Variants in NRXN1 observed in about 807,000 individuals in gnomAD.
NRXN1 encodes neurexin-1.
NRXN1 carries 39 observed loss-of-function variants against 150.9 expected under a neutral mutation model. The observed-to-expected ratio is 0.26, with a 90% confidence interval of 0.20 to 0.34. The LOEUF is 0.34. NRXN1 is among the 10% of genes least tolerant of loss of function. NRXN1 has a pLI of 1.00. For synonymous variants in NRXN1, 924 were observed against 757.0 expected (o/e 1.22, Z -3.62); for missense variants, 1,815 against 1,949.9 (o/e 0.93, Z 1.30).
intron 2 of NRXN1, among the ~76,000 whole-genome samples, chr2:50,958,634 T>G (rs1042255656): frequency 6.6e-6 from 1 of 152,140 alleles, no homozygotes; most frequent in Non-Finnish European, 1.5e-5. Context: ...TAATGCCATT[T>G]GTAAGTAGAG....
At chr2:50,389,219 C>T (rs2081525717) in intron 17 of NRXN1, among the ~76,000 whole-genome samples, 1 of 150,478 alleles carries the variant, frequency 6.6e-6, no homozygotes, top group Non-Finnish European at 1.5e-5. Context: ...GCAAGCACAA[C>T]ATCAGACCAA....
chr2:51,030,469 A>T (rs1671322691), intron 1 of NRXN1, among the ~76,000 whole-genome samples: 1 of 151,810 alleles, frequency 6.6e-6, no homozygotes, highest in African/African-American at 2.4e-5. Context: ...GCTGAGAGCC[A>T]CCAAGCTAGG....
At chr2:50,349,873 G>C (rs1043892362) in intron 17 of NRXN1, among the ~76,000 whole-genome samples, 1 of 152,094 alleles carries the variant, frequency 6.6e-6, no homozygotes, top group Non-Finnish European at 1.5e-5. Flanking sequence ...CTCATATATT[G>C]TGTTAATCTA....
intron 18 of NRXN1, among the ~76,000 whole-genome samples, chr2:50,201,503 G>A (rs1250954820): frequency 6.6e-6 from 1 of 152,150 alleles, no homozygotes; most frequent in Non-Finnish European, 1.5e-5. Context: ...ATGAGGGAAA[G>A]TAATGCATTA....
At chr2:50,386,631 G>A (rs1280688130) in intron 17 of NRXN1, among the ~76,000 whole-genome samples, 1 of 152,164 alleles carries the variant, frequency 6.6e-6, no homozygotes, top group Non-Finnish European at 1.5e-5. Flanking sequence ...GGGAGCTACT[G>A]ATGGCATCTT....
intron 17 of NRXN1, among the ~76,000 whole-genome samples, chr2:50,298,571 T>C (rs950570954): frequency 2.0e-5 from 3 of 152,012 alleles, no homozygotes; most frequent in Admixed American, 2.0e-4. Flanking sequence ...ACTTAAAACA[T>C]CCATGAACCT....
chr2:50,163,560 T>C (rs2059495515), intron 18 of NRXN1, among the ~76,000 whole-genome samples: 1 of 152,106 alleles, frequency 6.6e-6, no homozygotes, highest in Admixed American at 6.6e-5. Flanking sequence ...CTGTTTTAGG[T>C]CTTAGCTAAG....
At chr2:50,635,169 T>C (rs1193858924) in intron 5 of NRXN1, among the ~76,000 whole-genome samples, 1 of 151,868 alleles carries the variant, frequency 6.6e-6, no homozygotes, top group Non-Finnish European at 1.5e-5. Context: ...ATTCTTCTTT[T>C]TTTTTTTTGA....
intron 2 of NRXN1, among the ~76,000 whole-genome samples, chr2:50,985,813 C>T (rs912602972): frequency 2.0e-5 from 3 of 151,420 alleles, no homozygotes; most frequent in Admixed American, 2.0e-4. Flanking sequence ...AACAAAACTT[C>T]AAAATGAGGA....
chr2:50,955,055 C>T (rs1242703221), intron 2 of NRXN1, among the ~76,000 whole-genome samples: 1 of 152,090 alleles, frequency 6.6e-6, no homozygotes, highest in Non-Finnish European at 1.5e-5. Flanking sequence ...GGTGTATTTC[C>T]TTCATTTCTA....
intron 21 of NRXN1, among the ~76,000 whole-genome samples, chr2:50,044,750 A>T (rs1691547032): frequency 6.6e-6 from 1 of 152,132 alleles, no homozygotes; most frequent in African/African-American, 2.4e-5. Context: ...AAAATCCTGA[A>T]TTGCTAGGTA....
intron 15 of NRXN1, among the ~76,000 whole-genome samples, chr2:50,489,163 C>A (rs2104847620): frequency 6.6e-6 from 1 of 152,320 alleles, no homozygotes; most frequent in Non-Finnish European, 1.5e-5. Flanking sequence ...AAAGCTATTT[C>A]TCCCTGTGCA....
intron 19 of NRXN1, among the ~76,000 whole-genome samples, chr2:50,067,774 T>C (rs1431357870): frequency 1.3e-5 from 2 of 152,216 alleles, no homozygotes; most frequent in Non-Finnish European, 2.9e-5. Flanking sequence ...AATGGCATTT[T>C]GCCATTTTCC....
chr2:50,631,034 T>C (rs1682218891), intron 5 of NRXN1: 2 of 410,700 alleles, frequency 4.9e-6, no homozygotes, highest in South Asian at 3.9e-5. Flanking sequence ...TATTATCTTA[T>C]TTGCCACGAA....
At chr2:50,284,969 C>G (rs1319646842) in intron 17 of NRXN1, among the ~76,000 whole-genome samples, 1 of 152,038 alleles carries the variant, frequency 6.6e-6, no homozygotes. Context: ...TATAAAGACT[C>G]AAAACACTTC....
At chr2:50,558,720 T>C (rs1322321590) in intron 8 of NRXN1, among the ~76,000 whole-genome samples, 1 of 152,226 alleles carries the variant, frequency 6.6e-6, no homozygotes, top group Non-Finnish European at 1.5e-5. Context: ...TGCTGATTTT[T>C]GTTTGTTTAT....
At chr2:50,039,254 T>A (rs1005157597) in intron 21 of NRXN1, among the ~76,000 whole-genome samples, 1 of 151,972 alleles carries the variant, frequency 6.6e-6, no homozygotes, top group African/African-American at 2.4e-5. Context: ...TCACCTGAGG[T>A]CAGGAGTTCA....
chr2:50,474,682 G>GAAAA (rs1558794690), intron 15 of NRXN1, among the ~76,000 whole-genome samples: 9 of 4,166 alleles, frequency 2.2e-3, no homozygotes, highest in South Asian at 0.013. Context: ...CACAGAAATA[G>GAAAA]CAAAAAAAAA....
intron 5 of NRXN1, among the ~76,000 whole-genome samples, chr2:50,737,050 G>C (rs914505586): frequency 1.3e-5 from 2 of 151,828 alleles, no homozygotes; most frequent in Admixed American, 1.3e-4. Flanking sequence ...CTGAGGTAAG[G>C]AGTTTGAGAC....
Sources: gnomAD v4.1 joint callset for allele counts (sites outside exome capture counted in the v4.1 genomes callset) on GRCh38, gnomAD v4.1.1 for gene constraint, MANE v1.5 for transcripts, NCBI Gene and HGNC (gene_info 2026-07-23, HGNC 2026-07-21) for gene names.